Variants in EVC observed in about 807,000 individuals in gnomAD.
The protein encoded by EVC is evC complex member EVC.
In EVC, 116 loss-of-function variants were observed where a neutral mutation model predicts 118.9. That is an observed-to-expected ratio of 0.98 (90% CI 0.84 to 1.14). The LOEUF (loss-of-function observed/expected upper bound fraction) is 1.14. EVC is among the 50% of genes most tolerant of loss of function. The pLI is 0.00. For missense variants in EVC, 1,401 were observed against 1,246.4 expected (o/e 1.12, Z -1.87); for synonymous variants, 619 against 534.7 (o/e 1.16, Z -2.18).
At chr4:5,826,454 G>A in the EVC span, 1 of 152,622 alleles carries the variant, frequency 6.6e-6, no homozygotes, top group African/African-American at 2.4e-5. Context: ...ATGCTGTGGG[G>A]AGGACACCTC....
At chr4:5,720,582 C>A (rs4234714) in intron 2 of EVC, among the ~76,000 whole-genome samples, 143,545 of 152,322 alleles carry the variant, frequency 0.94, 67,670 homozygotes, top group African/African-American at 0.96. Flanking sequence ...AAAGGTCCGA[C>A]GTCAGTAGGG....
the EVC span, chr4:5,825,079 T>A: frequency 1.0e-6 from 1 of 985,322 alleles, no homozygotes; most frequent in African/African-American, 1.7e-5. This position sits in a 1 kb window ranked among gnomAD's most constrained non-coding sequence, Gnocchi z 4.4. Flanking sequence ...AAGTGCTTAG[T>A]ACACTGCAGT....
At chr4:5,781,565 G>A (rs528935347) in intron 11 of EVC, among the ~76,000 whole-genome samples, 11 of 152,224 alleles carry the variant, frequency 7.2e-5, no homozygotes, top group South Asian at 4.1e-4. Flanking sequence ...GGCTGGGCGC[G>A]GTGGCCCACA....
At chr4:5,740,877 C>G (rs1728460820) in intron 5 of EVC, among the ~76,000 whole-genome samples, 1 of 152,162 alleles carries the variant, frequency 6.6e-6, no homozygotes, top group Non-Finnish European at 1.5e-5. Flanking sequence ...CCAAGTTGAA[C>G]TCACAATAAG....
intron 5 of EVC, among the ~76,000 whole-genome samples, chr4:5,736,280 TACACACACAC>T (rs10556213): frequency 1.3e-5 from 2 of 149,422 alleles, no homozygotes; most frequent in Admixed American, 6.7e-5. Context: ...TGCATAGAAC[TACACACACAC>T]ACACACACAC....
chr4:5,799,785 C>T (rs562778264), intron 15 of EVC, among the ~76,000 whole-genome samples: 47 of 152,322 alleles, frequency 3.1e-4, no homozygotes, highest in African/African-American at 1.1e-3. Flanking sequence ...GAGGCTGGAC[C>T]CACATTTCTG....
At position 5,798,814 on chromosome 4, in the gene EVC, TG is replaced by T; in HGVS notation, c.2304+26del. On this transcript the variant is annotated intron_variant, in intron 15 of 20. Coordinates refer to ENST00000264956, the MANE Select transcript of EVC (RefSeq NM_153717.3). The surrounding 1 kb of genome is among the most constrained non-coding windows in gnomAD (Gnocchi z 4.1). ...CAAGGTATGCACTGACCTCTGTCCC[TG>T]GGGACACCGAGGGCAAGAATGTTCA... 1 of 1,604,990 alleles carries T rather than the reference TG, an allele frequency of 6.2e-7. No homozygotes were observed. The highest frequency in any genetic ancestry group is 8.5e-7 in the Non-Finnish European group (1 of 1,176,800).
intron 2 of EVC, among the ~76,000 whole-genome samples, chr4:5,722,207 G>A (rs1162867424): frequency 6.6e-6 from 1 of 152,180 alleles, no homozygotes; most frequent in Non-Finnish European, 1.5e-5. Flanking sequence ...CTGAGTTAAT[G>A]CGTGTGAACG....
At chr4:5,809,660 G>T (rs982904310) in intron 19 of EVC, 49 bp downstream of exon 19, 7 of 1,532,476 alleles carry the variant, frequency 4.6e-6, no homozygotes, top group African/African-American at 2.7e-5. Context: ...TGGGCTGAGA[G>T]ATACGGATTC....
the EVC span, chr4:5,828,669 C>G: frequency 6.2e-7 from 1 of 1,613,340 alleles, no homozygotes; most frequent in Non-Finnish European, 8.5e-7. Context: ...ACTCCACCGC[C>G]TGCACCAACA....
intron 12 of EVC, among the ~76,000 whole-genome samples, chr4:5,786,632 G>T (rs1445999965): frequency 6.6e-6 from 1 of 152,170 alleles, no homozygotes. Flanking sequence ...CCAGCACTTT[G>T]GGAGGCCAAG....
At chr4:5,757,273 G>A (rs75523497) in intron 11 of EVC, among the ~76,000 whole-genome samples, 3 of 152,110 alleles carry the variant, frequency 2.0e-5, no homozygotes, top group African/African-American at 4.8e-5. Context: ...TGAAGGTGAC[G>A]TCAAGGACAG....
intron 2 of EVC, among the ~76,000 whole-genome samples, chr4:5,722,893 C>T (rs146102745): frequency 5.9e-4 from 90 of 152,322 alleles, no homozygotes; most frequent in Non-Finnish European, 9.8e-4. Context: ...ATTTGGAGGA[C>T]ACCTGACCTT....
At chr4:5,718,824 A>G (rs1014411825) in intron 1 of EVC, among the ~76,000 whole-genome samples, 1 of 152,222 alleles carries the variant, frequency 6.6e-6, no homozygotes, top group African/African-American at 2.4e-5. Context: ...TATTGTCTTA[A>G]AAACCATTCA....
In EVC at chr4:5,733,230, G is replaced by A. The variant is rs75063475; in HGVS notation, c.618-121G>A. On this transcript the variant is annotated intron_variant, in intron 4 of 20. Coordinates refer to ENST00000264956, the MANE Select transcript of EVC (RefSeq NM_153717.3). ...GTGAGCGTAAGGACCTCAGCATGCT[G>A]CAGAATGAGAGTTTGAGGCAGGGTG... 80,937 of 820,468 alleles carry A rather than the reference G, an allele frequency of 0.099. 4,499 individuals carry two copies. The highest frequency in any genetic ancestry group is 0.14 in the Middle Eastern group (612 of 4,412). The allele number at this position is 820,468 out of a possible 1,614,324, so 50.8% of individuals were successfully genotyped here.
chr4:5,728,650 T>C (rs533513450), intron 2 of EVC, among the ~76,000 whole-genome samples: 67 of 152,338 alleles, frequency 4.4e-4, no homozygotes, highest in African/African-American at 1.5e-3. Flanking sequence ...GCTGGTTTAC[T>C]ATCTGGGAAG....
chr4:5,806,224 C>T lies in EVC; in HGVS notation c.2561+1383C>T, dbSNP rs187900128. Among the ~76,000 whole-genome samples, 598 of 152,012 alleles carry T rather than the reference C, an allele frequency of 3.9e-3. 4 individuals carry two copies. Among genetic ancestry groups the T allele is most frequent in the African/African-American group, 0.014 (568 of 41,452 alleles). On this transcript the variant is annotated intron_variant, in intron 17 of 20. Coordinates refer to ENST00000264956, the MANE Select transcript of EVC (RefSeq NM_153717.3). Reference sequence around the variant, plus strand: ...TCTCCCGAGTAGCTGGGATTACAGGCGCGCACCACCATGCCCAGCTAATTT... The same window carrying T: ...TCTCCCGAGTAGCTGGGATTACAGGTGCGCACCACCATGCCCAGCTAATTT...
At chr4:5,825,298 T>C in the EVC span, 3 of 985,228 alleles carry the variant, frequency 3.0e-6, no homozygotes, top group South Asian at 4.7e-5. The surrounding 1 kb of genome is among the most constrained non-coding windows in gnomAD (Gnocchi z 4.4). Context: ...CCCCCTAACA[T>C]GGACCCCCCT....
At chr4:5,740,799 A>C (rs74466345) in intron 5 of EVC, among the ~76,000 whole-genome samples, 1 of 152,212 alleles carries the variant, frequency 6.6e-6, no homozygotes, top group African/African-American at 2.4e-5. Context: ...TATTTCACCA[A>C]AAAGGATATA....
Sources: allele counts gnomAD v4.1 joint callset (sites outside exome capture counted in the v4.1 genomes callset), GRCh38; gene constraint gnomAD v4.1.1; non-coding constraint Gnocchi (gnomAD v3.1); transcripts MANE v1.5; gene names NCBI Gene and HGNC (gene_info 2026-07-23, HGNC 2026-07-21).